Variants in RUNX2 observed in about 807,000 individuals in gnomAD.
RUNX2 encodes runt-related transcription factor 2.
Under a neutral mutation model 51.7 loss-of-function variants are expected in RUNX2, and 10 were observed. The ratio of observed to expected loss-of-function variants is 0.19; its 90% confidence interval spans 0.12 to 0.33. The LOEUF is 0.33. RUNX2 is among the 10% of genes least tolerant of loss of function. RUNX2 has a pLI of 1.00. For missense variants in RUNX2, 562 were observed against 691.3 expected (o/e 0.81, Z 2.10); for synonymous variants, 276 against 273.6 (o/e 1.01, Z -0.09).
chr6:45,382,031 G>A (rs999947772), intron 2 of RUNX2, among the ~76,000 whole-genome samples: 4 of 152,162 alleles, frequency 2.6e-5, no homozygotes, highest in Non-Finnish European at 5.9e-5. Context: ...AAATGATTAT[G>A]TTTTTGAGAG....
At chr6:45,431,378 T>A (rs1798537600) in intron 3 of RUNX2, among the ~76,000 whole-genome samples, 1 of 152,178 alleles carries the variant, frequency 6.6e-6, no homozygotes, top group African/African-American at 2.4e-5. Context: ...CTCTATGTAG[T>A]GAGGAGCCCC....
intron 7 of RUNX2, among the ~76,000 whole-genome samples, chr6:45,516,936 A>G (rs1801347196): frequency 6.6e-6 from 1 of 150,874 alleles, no homozygotes; most frequent in Admixed American, 6.6e-5. Context: ...TCTCCTAGAG[A>G]GCTTACACAG....
intron 3 of RUNX2, among the ~76,000 whole-genome samples, chr6:45,423,161 T>TCCCA (rs1202313666): frequency 6.6e-6 from 1 of 151,528 alleles, no homozygotes; most frequent in Non-Finnish European, 1.5e-5. Context: ...TCCCTCCCTC[T>TCCCA]CCCACCTGTG....
chr6:45,437,365 A>G (rs1380646593), intron 4 of RUNX2, among the ~76,000 whole-genome samples: 1 of 152,174 alleles, frequency 6.6e-6, no homozygotes, highest in Non-Finnish European at 1.5e-5. Context: ...TTGTTCCAGT[A>G]ATGATGAAAT....
chr6:45,418,866 A>G (rs1476429897), intron 2 of RUNX2, among the ~76,000 whole-genome samples: 2 of 152,210 alleles, frequency 1.3e-5, no homozygotes, highest in Non-Finnish European at 2.9e-5. Context: ...CAAGACTAGT[A>G]ACTTCCAAGA....
chr6:45,493,477 T>C (rs1800547420), intron 6 of RUNX2, among the ~76,000 whole-genome samples: 1 of 152,086 alleles, frequency 6.6e-6, no homozygotes, highest in Non-Finnish European at 1.5e-5. Context: ...TTTAAAGTAG[T>C]GGACTTAGAG....
chr6:45,506,284 G>A (rs942549615), intron 6 of RUNX2, among the ~76,000 whole-genome samples: 14 of 152,150 alleles, frequency 9.2e-5, no homozygotes, highest in South Asian at 2.1e-4. Flanking sequence ...TGTGAGTACA[G>A]CAGACCCATC....
rs1801198890 is a variant in RUNX2, at chr6:45,512,703, AG to A, written c.1021+299del. 2.6e-5 allele frequency among the ~76,000 whole-genome samples: 4 copies of A among 152,160 alleles called. No individual in the cohort carries two copies. The South Asian group carries it at 8.3e-4, about 32-fold the overall frequency. On this transcript the variant is annotated intron_variant, in intron 7 of 8. Coordinates refer to ENST00000647337, the MANE Select transcript of RUNX2 (RefSeq NM_001024630.4). ...ATTTGGTGGGCACTGTCTCATAACT[AG>A]GGCCTTTTCCTGAGGGTATTATGCC...
intron 5 of RUNX2, among the ~76,000 whole-genome samples, chr6:45,466,287 T>C (rs1799628336): frequency 6.6e-6 from 1 of 151,588 alleles, no homozygotes; most frequent in Admixed American, 6.6e-5. Flanking sequence ...CACTCCAGCC[T>C]GGGCAACAAG....
intron 6 of RUNX2, among the ~76,000 whole-genome samples, chr6:45,508,847 G>T (rs144343502): frequency 1.8e-4 from 27 of 152,246 alleles, no homozygotes; most frequent in Admixed American, 7.9e-4. Context: ...TACTAATTAT[G>T]ACTTAATTTT....
intron 2 of RUNX2, among the ~76,000 whole-genome samples, chr6:45,359,274 A>G (rs1295291313): frequency 6.6e-6 from 1 of 152,206 alleles, no homozygotes; most frequent in East Asian, 1.9e-4. Context: ...TCTGAAAGGA[A>G]AAAAGACTTT....
chr6:45,341,745 A>G (rs1455965028), intron 2 of RUNX2, among the ~76,000 whole-genome samples: 1 of 152,236 alleles, frequency 6.6e-6, no homozygotes, highest in Non-Finnish European at 1.5e-5. Flanking sequence ...ACAAGTTCTC[A>G]GATTCTGGTA....
At chr6:45,423,256 A>C in intron 3 of RUNX2, among the ~76,000 whole-genome samples, 3 of 149,148 alleles carry the variant, frequency 2.0e-5, no homozygotes, top group South Asian at 2.1e-4. Context: ...ATTCTCACTC[A>C]CTCCTTCGCG....
At chr6:45,416,955 A>G (rs1798079460) in intron 2 of RUNX2, among the ~76,000 whole-genome samples, 1 of 152,204 alleles carries the variant, frequency 6.6e-6, no homozygotes, top group Non-Finnish European at 1.5e-5. Flanking sequence ...TAAGTCCTCC[A>G]CTACAAACAT....
intron 4 of RUNX2, among the ~76,000 whole-genome samples, chr6:45,435,640 G>A (rs1190721678): frequency 6.6e-6 from 1 of 152,196 alleles, no homozygotes; most frequent in Non-Finnish European, 1.5e-5. Context: ...TTACAGGCGT[G>A]AGCCACCGCG....
At chr6:45,357,965 C>T (rs1793547105) in intron 2 of RUNX2, among the ~76,000 whole-genome samples, 1 of 151,936 alleles carries the variant, frequency 6.6e-6, no homozygotes, top group South Asian at 2.1e-4. Context: ...ATTATTCATA[C>T]TTTCTAAAAA....
At chr6:45,356,864 C>T (rs1004040955) in intron 2 of RUNX2, among the ~76,000 whole-genome samples, 55 of 152,174 alleles carry the variant, frequency 3.6e-4, no homozygotes, top group African/African-American at 1.3e-3. Context: ...GAATTTACTA[C>T]TCTTTTCTAA....
In RUNX2 at chr6:45,392,455, C is replaced by G. The variant is rs1252933211; in HGVS notation, c.59-30138C>G. 2.6e-5 allele frequency among the ~76,000 whole-genome samples: 4 copies of G among 152,144 alleles called. No homozygotes were observed. In the East Asian group the frequency reaches 5.8e-4, roughly 22 times the overall value. On this transcript the variant is annotated intron_variant, in intron 2 of 8. Coordinates refer to ENST00000647337, the MANE Select transcript of RUNX2 (RefSeq NM_001024630.4). ...AGTCCAGGTTACAGTGAGCTGTGAT[C>G]ACACCACTATACTCCAGCCTGGACA...
At chr6:45,525,575 A>G (rs1801648862) in intron 7 of RUNX2, among the ~76,000 whole-genome samples, 1 of 152,192 alleles carries the variant, frequency 6.6e-6, no homozygotes, top group Non-Finnish European at 1.5e-5. Context: ...TTTAAGCGTG[A>G]ACTGAGTTAA....
Sources: gnomAD v4.1 joint callset for allele counts (sites outside exome capture counted in the v4.1 genomes callset) on GRCh38, gnomAD v4.1.1 for gene constraint, MANE v1.5 for transcripts, NCBI Gene and HGNC (gene_info 2026-07-23, HGNC 2026-07-21) for gene names.